BAZ2B: variants seen among roughly 807,000 people sequenced by gnomAD.
The protein encoded by BAZ2B is bromodomain adjacent to zinc finger domain protein 2B.
BAZ2B carries 91 observed loss-of-function variants against 246.0 expected under a neutral mutation model. The ratio of observed to expected loss-of-function variants is 0.37; its 90% CI spans 0.31 to 0.44. BAZ2B has a LOEUF of 0.44. Among genes scored for constraint, BAZ2B ranks in the 20% least tolerant of loss-of-function variants. The pLI, the probability that BAZ2B is intolerant of heterozygous loss-of-function variation, is 1.00. For synonymous variants in BAZ2B, 855 were observed against 860.0 expected (o/e 0.99, Z 0.10); for missense variants, 2,332 against 2,533.7 (o/e 0.92, Z 1.71).
chr2:159,477,319 A>G (rs955201494), intron 3 of BAZ2B, among the ~76,000 whole-genome samples: 2 of 151,826 alleles, frequency 1.3e-5, no homozygotes, highest in Non-Finnish European at 2.9e-5. Context: ...AAATAAAAAA[A>G]TTAAAAAATA....
chr2:159,496,075 A>G (rs1312606534), intron 2 of BAZ2B, among the ~76,000 whole-genome samples: 1 of 149,938 alleles, frequency 6.7e-6, no homozygotes, highest in Non-Finnish European at 1.5e-5. Flanking sequence ...AGCCAGAAGA[A>G]ATACTTTTTA....
At chr2:159,570,199 T>TTTTTTTTG (rs1683639193) in intron 1 of BAZ2B, among the ~76,000 whole-genome samples, 1 of 151,688 alleles carries the variant, frequency 6.6e-6, no homozygotes. Context: ...TTGTTTTTTT[T>TTTTTTTTG]CTGGAGACAG....
chr2:159,624,470 T>G, the BAZ2B span, among the ~76,000 whole-genome samples: 2 of 152,170 alleles, frequency 1.3e-5, no homozygotes, highest in Non-Finnish European at 2.9e-5. Context: ...CAGGTGCCCC[T>G]CTGGGACGAA....
At chr2:159,325,139 A>AG (rs1366345487) in intron 35 of BAZ2B, among the ~76,000 whole-genome samples, 185 bp from the exon 36 acceptor site, 4 of 66,010 alleles carry the variant, frequency 6.1e-5, no homozygotes, top group South Asian at 5.6e-4. Context: ...ATATATATAT[A>AG]TATATATATG....
chr2:159,659,269 C>G, the BAZ2B span, among the ~76,000 whole-genome samples: 2 of 152,112 alleles, frequency 1.3e-5, no homozygotes, highest in Non-Finnish European at 2.9e-5. Flanking sequence ...AGGTTGTGCT[C>G]AAATATCTTG....
chr2:159,386,531 T>C lies in BAZ2B; in HGVS notation c.3293A>G (p.Gln1098Arg), dbSNP rs1352875419. The C allele has an allele frequency of 6.2e-7, 1 of 1,613,516 alleles. No homozygotes were observed. ...STFSDCLMVVQFLRNFGKVLG... is the reference protein window; with the variant it reads ...STFSDCLMVVRFLRNFGKVLG... ...AACTTTACCAAAGTTTCGTAAGAAC[T>C]GCACCACCATGAGACAGTCTGAAAA... Residue 1098 changes from glutamine (Q) to arginine (R), a missense_variant, in exon 22 of 37, where the codon CAG (glutamine) becomes CGG (arginine). By Grantham distance (43) the Gln-to-Arg change is conservative. Coordinates refer to ENST00000392783, the MANE Select transcript of BAZ2B (RefSeq NM_013450.4).
At chr2:159,616,772 T>TA (rs1237612392), upstream of BAZ2B, 1 of 152,190 alleles carries the variant, frequency 6.6e-6, no homozygotes, top group Non-Finnish European at 1.5e-5. Flanking sequence ...TTAAGAAACT[T>TA]AAAATGTTTT....
chr2:159,474,571 T>G (rs1276530298), intron 3 of BAZ2B, among the ~76,000 whole-genome samples: 1 of 152,228 alleles, frequency 6.6e-6, no homozygotes, highest in African/African-American at 2.4e-5. Flanking sequence ...AGGTTAATAT[T>G]GTTATGTGTG....
chr2:159,472,459 A>T (rs554164274), intron 3 of BAZ2B, among the ~76,000 whole-genome samples: 2 of 152,214 alleles, frequency 1.3e-5, no homozygotes, highest in East Asian at 3.9e-4. Flanking sequence ...TCTTTCCTCT[A>T]TTGGAATACC....
chr2:159,623,332 G>T, the BAZ2B span, among the ~76,000 whole-genome samples: 2 of 151,872 alleles, frequency 1.3e-5, no homozygotes, highest in Non-Finnish European at 2.9e-5. Flanking sequence ...ACTAACCACT[G>T]CATTACAGCC....
intron 1 of BAZ2B, among the ~76,000 whole-genome samples, chr2:159,559,972 T>A (rs552378205): frequency 8.5e-5 from 13 of 152,320 alleles, no homozygotes; most frequent in Admixed American, 3.9e-4. Flanking sequence ...CTACAAATGT[T>A]ACCTAACTAC....
At chr2:159,604,195 T>C (rs969207331) in intron 1 of BAZ2B, among the ~76,000 whole-genome samples, 1 of 152,186 alleles carries the variant, frequency 6.6e-6, no homozygotes, top group African/African-American at 2.4e-5. Flanking sequence ...GACACAAATA[T>C]GATATGGGAA....
chr2:159,552,779 G>A (rs955880746), intron 2 of BAZ2B, among the ~76,000 whole-genome samples: 4 of 152,130 alleles, frequency 2.6e-5, no homozygotes, highest in African/African-American at 9.7e-5. Context: ...ATCGTAAGAT[G>A]TGTATTAAAA....
chr2:159,658,664 C>T, the BAZ2B span, among the ~76,000 whole-genome samples: 28 of 152,040 alleles, frequency 1.8e-4, no homozygotes, highest in Non-Finnish European at 2.6e-4. Context: ...ACTACAGGCA[C>T]GCACCACTGA....
chr2:159,454,150 A>C (rs545203574), intron 3 of BAZ2B, among the ~76,000 whole-genome samples: 1 of 152,088 alleles, frequency 6.6e-6, no homozygotes, highest in South Asian at 2.1e-4. Flanking sequence ...TATTTTACTC[A>C]TAAGAAGGGA....
chr2:159,523,806 T>C (rs999064395), intron 2 of BAZ2B, among the ~76,000 whole-genome samples: 24 of 152,290 alleles, frequency 1.6e-4, no homozygotes, highest in East Asian at 1.9e-4. Context: ...TACCTAACAA[T>C]TTATACACCA....
intron 25 of BAZ2B, 145 bp from the exon 26 acceptor site, chr2:159,374,898 G>A: frequency 1.5e-6 from 1 of 669,146 alleles, no homozygotes; most frequent in Admixed American, 2.7e-5. Context: ...CTGGTAGAGA[G>A]ATACATAAAA....
In BAZ2B at chr2:159,483,518, T is replaced by C. The variant is rs1040941517; in HGVS notation, c.-2-4797A>G. 2.0e-5 allele frequency among the ~76,000 whole-genome samples: 3 copies of C among 152,312 alleles called. No individual in the cohort carries two copies. In the East Asian group the frequency reaches 5.8e-4, roughly 29 times the overall value. On this transcript the variant is annotated intron_variant, in intron 2 of 36. Transcript: ENST00000392783. ...TAGGCTTGGCGCGGTGGCTCACGCC[T>C]GTAATTCCAGAGCTTTGGGAGGCCG... is the stretch of plus-strand genomic sequence containing the variant.
intron 25 of BAZ2B, among the ~76,000 whole-genome samples, chr2:159,376,853 T>TA (rs1023172062): frequency 9.2e-5 from 14 of 152,076 alleles, no homozygotes; most frequent in Admixed American, 5.9e-4. Flanking sequence ...TTTCAGACAT[T>TA]AAAAAAACCT....
Sources: allele counts gnomAD v4.1 joint callset (sites outside exome capture counted in the v4.1 genomes callset), GRCh38; gene constraint gnomAD v4.1.1; transcripts MANE v1.5; gene names NCBI Gene and HGNC (gene_info 2026-07-23, HGNC 2026-07-21).